Variants in RANBP2 observed in about 807,000 individuals in gnomAD.
RANBP2 encodes E3 SUMO-protein ligase RanBP2.
Under a neutral mutation model 303.6 loss-of-function variants are expected in RANBP2, and 57 were observed. The observed-to-expected ratio is 0.19, with a 90% CI of 0.15 to 0.23. RANBP2 has a LOEUF of 0.23. RANBP2 is among the 10% of genes least tolerant of loss of function. The pLI, the probability that RANBP2 is intolerant of heterozygous loss-of-function variation, is 1.00. For missense variants in RANBP2, 3,138 were observed against 3,780.8 expected (o/e 0.83, Z 4.46); for synonymous variants, 1,167 against 1,301.5 (o/e 0.90, Z 2.23).
At chr2:109,465,906 C>A in the RANBP2 span, among the ~76,000 whole-genome samples, 1 of 152,084 alleles carries the variant, frequency 6.6e-6, no homozygotes, top group Non-Finnish European at 1.5e-5. Context: ...GCTTCCACGA[C>A]CATTCACCAA....
Position 108,777,125 on chromosome 2 carries a change from G to A in RANBP2, c.8498-5G>A, listed in dbSNP as rs1471380537. 8 of 1,611,004 alleles carry A rather than the reference G, an allele frequency of 5.0e-6. No individual in the cohort carries two copies. In the Admixed American group the frequency reaches 1.3e-4, roughly 27 times the overall value. Reference sequence around the variant, plus strand: ...TAGTAAATTGTTCTTTTTTTCTTTTGCCAGGGGAAAGCAAGATAGTTTCAT... The same window carrying A: ...TAGTAAATTGTTCTTTTTTTCTTTTACCAGGGGAAAGCAAGATAGTTTCAT... On this transcript the variant is annotated splice_polypyrimidine_tract_variant and splice_region_variant and intron_variant, in intron 24 of 28. Coordinates refer to ENST00000283195, the MANE Select transcript of RANBP2 (RefSeq NM_006267.5).
At chr2:109,455,799 GT>G in the RANBP2 span, among the ~76,000 whole-genome samples, 3 of 152,194 alleles carry the variant, frequency 2.0e-5, no homozygotes, top group Non-Finnish European at 4.4e-5. Context: ...GCTTCTCCAG[GT>G]TTACCAGTGC....
At chr2:109,067,052 G>A in the RANBP2 span, among the ~76,000 whole-genome samples, 1 of 151,468 alleles carries the variant, frequency 6.6e-6, no homozygotes, top group Non-Finnish European at 1.5e-5. Flanking sequence ...ACATATAGCA[G>A]AGAGGCAAAA....
At chr2:109,420,842 A>C in the RANBP2 span, among the ~76,000 whole-genome samples, 1 of 152,094 alleles carries the variant, frequency 6.6e-6, no homozygotes, top group Non-Finnish European at 1.5e-5. Flanking sequence ...ACACTCACCC[A>C]CCTCTAAGCC....
the RANBP2 span, among the ~76,000 whole-genome samples, chr2:109,531,497 C>T: frequency 6.6e-6 from 1 of 152,254 alleles, no homozygotes; most frequent in African/African-American, 2.4e-5. Flanking sequence ...ACCCTGAACT[C>T]AGCCCTTTCA....
At chr2:108,939,268 C>T in the RANBP2 span, among the ~76,000 whole-genome samples, 2 of 152,096 alleles carry the variant, frequency 1.3e-5, no homozygotes, top group South Asian at 2.1e-4. Flanking sequence ...ACCTCCGCAA[C>T]CTCCGCCTCC....
the RANBP2 span, among the ~76,000 whole-genome samples, chr2:109,289,320 A>G: frequency 6.6e-6 from 1 of 151,796 alleles, no homozygotes; most frequent in Non-Finnish European, 1.5e-5. Context: ...AGGATTTCAC[A>G]TCCCATGCTC....
chr2:108,841,333 C>G, the RANBP2 span, among the ~76,000 whole-genome samples: 5 of 152,088 alleles, frequency 3.3e-5, no homozygotes, highest in Non-Finnish European at 5.9e-5. Context: ...TTGTCCTGTT[C>G]TATCAAGTGT....
At chr2:108,883,729 C>G in the RANBP2 span, 1 of 152,280 alleles carries the variant, frequency 6.6e-6, no homozygotes, top group African/African-American at 2.4e-5. Context: ...AACAGGGCAT[C>G]TGCTTCTCCA....
the RANBP2 span, among the ~76,000 whole-genome samples, chr2:109,086,081 T>C: frequency 3.9e-5 from 6 of 152,360 alleles, no homozygotes; most frequent in South Asian, 2.1e-4. Flanking sequence ...TCAAGTTTCA[T>C]CCATGTTGTA....
At chr2:109,737,262 G>A in the RANBP2 span, 17 of 748,206 alleles carry the variant, frequency 2.3e-5, no homozygotes, top group Admixed American at 1.8e-4. Flanking sequence ...AATATTTTTT[G>A]GTGAGATATT....
the RANBP2 span, chr2:108,931,072 A>C: frequency 6.4e-7 from 1 of 1,573,828 alleles, no homozygotes; most frequent in Non-Finnish European, 8.7e-7. Flanking sequence ...TGGCGGTAGC[A>C]CCCCAGCCGG....
chr2:109,485,352 C>T, the RANBP2 span, among the ~76,000 whole-genome samples: 1 of 152,220 alleles, frequency 6.6e-6, no homozygotes, highest in Non-Finnish European at 1.5e-5. Flanking sequence ...ACTTGTATCT[C>T]TGTTTAATGT....
the RANBP2 span, among the ~76,000 whole-genome samples, chr2:109,165,755 C>CT: frequency 2.6e-5 from 4 of 152,140 alleles, no homozygotes; most frequent in East Asian, 1.9e-4. Context: ...TCAGATCCTT[C>CT]TTTTTTTTAG....
chr2:109,570,655 G>A, the RANBP2 span, among the ~76,000 whole-genome samples: 1 of 151,810 alleles, frequency 6.6e-6, no homozygotes, highest in Non-Finnish European at 1.5e-5. Context: ...CCGAGTAGCT[G>A]GGATTACAGG....
At chr2:109,204,188 C>T in the RANBP2 span, among the ~76,000 whole-genome samples, 2 of 152,324 alleles carry the variant, frequency 1.3e-5, no homozygotes, top group East Asian at 1.9e-4. Flanking sequence ...GCCACATCTG[C>T]TCTTTCCTTT....
At chr2:109,336,449 C>T in the RANBP2 span, among the ~76,000 whole-genome samples, 1 of 152,206 alleles carries the variant, frequency 6.6e-6, no homozygotes, top group African/African-American at 2.4e-5. Context: ...ATAAGTTTCT[C>T]CCTTGGGTAC....
rs1573699558 is a variant in RANBP2 at position 108,730,001 on chromosome 2, G to C, written c.141-773G>C. Among the ~76,000 whole-genome samples the C allele has an allele frequency of 2.6e-5, 4 of 151,896 alleles. No homozygotes were observed. In the East Asian group the frequency reaches 7.7e-4, roughly 29 times the overall value. ...CCCGTAGTGTTGGGACTACAGGTGT[G>C]TGTTACTGCTCCCAGCTGGGAGGCA... On this transcript the variant is annotated intron_variant, in intron 2 of 28. Transcript: ENST00000283195.
rs1049873001 is a variant in RANBP2 at position 108,767,737 on chromosome 2, A to G, written c.7198A>G (p.Arg2400Gly). ...TTTGCAAAATATGAAAGGGACAGAA[A>G]GAGTATGGTTGTGGACTGCATGTGA... is the stretch of plus-strand genomic sequence containing the variant. Reference protein sequence around the residue: ...MTLQNMKGTERVWLWTACDFA... With the variant: ...MTLQNMKGTEGVWLWTACDFA... The change falls in exon 20 of 29, where the codon AGA (arginine) becomes GGA (glycine). Residue 2400 changes from arginine to glycine, a missense_variant. This residue lies in a region of RANBP2 where 92 missense variants were observed against 211.0 expected (regional missense o/e 0.44). Coordinates refer to ENST00000283195, the MANE Select transcript of RANBP2 (RefSeq NM_006267.5). 2 of 1,612,060 alleles carry G rather than the reference A, an allele frequency of 1.2e-6. No individual in the cohort carries two copies. The highest frequency in any genetic ancestry group is 1.1e-5 in the South Asian group (1 of 90,994).
Sources: gnomAD v4.1 joint callset for allele counts (sites outside exome capture counted in the v4.1 genomes callset) on GRCh38, gnomAD v4.1.1 for gene constraint, gnomAD v4.1.1 regional missense constraint, MANE v1.5 for transcripts, NCBI Gene and HGNC (gene_info 2026-07-23, HGNC 2026-07-21) for gene names.